Variants in AFF3 observed in about 807,000 individuals in gnomAD.
The protein encoded by AFF3 is ALF transcription elongation factor 3.
A neutral mutation model predicts 129.7 loss-of-function variants in AFF3; 32 were observed. The ratio of observed to expected loss-of-function variants is 0.25; its 90% confidence interval spans 0.19 to 0.33. The LOEUF (loss-of-function observed/expected upper bound fraction) is 0.33, where lower values mean the gene tolerates loss of function less well. Ranked by LOEUF, AFF3 falls within the 10% of genes least tolerant of loss-of-function variation. The pLI, the probability that AFF3 is intolerant of heterozygous loss-of-function variation, is 1.00. For synonymous variants in AFF3, 644 were observed against 635.4 expected (o/e 1.01, Z -0.20); for missense variants, 1,373 against 1,592.0 (o/e 0.86, Z 2.34).
intron 7 of AFF3, among the ~76,000 whole-genome samples, chr2:99,931,069 AG>A (rs761216530): frequency 3.3e-5 from 5 of 152,204 alleles, no homozygotes; most frequent in South Asian, 4.1e-4. Context: ...GACGGTTCAT[AG>A]GTTTAAGACA....
At chr2:99,617,389 G>A (rs1469142144) in intron 13 of AFF3, among the ~76,000 whole-genome samples, 2 of 152,142 alleles carry the variant, frequency 1.3e-5, no homozygotes, top group Non-Finnish European at 2.9e-5. Context: ...TTTTGATTTG[G>A]ATTTCCCCAG....
chr2:99,704,788 C>A (rs1309786263), intron 11 of AFF3, among the ~76,000 whole-genome samples: 1 of 152,204 alleles, frequency 6.6e-6, no homozygotes, highest in Non-Finnish European at 1.5e-5. Context: ...AACACACCCT[C>A]ATTCATGACC....
chr2:100,087,675 A>G (rs1031091061), intron 4 of AFF3, among the ~76,000 whole-genome samples: 3 of 151,854 alleles, frequency 2.0e-5, no homozygotes, highest in African/African-American at 7.3e-5. Flanking sequence ...TCAAGTGTTC[A>G]TGAACTTTCA....
intron 19 of AFF3, among the ~76,000 whole-genome samples, chr2:99,568,609 T>C (rs1438125733): frequency 2.0e-5 from 3 of 152,212 alleles, no homozygotes; most frequent in African/African-American, 7.2e-5. Flanking sequence ...CTAGTTACTA[T>C]TCAAACCTTA....
intron 7 of AFF3, among the ~76,000 whole-genome samples, chr2:99,891,429 A>G (rs1325580438): frequency 6.6e-6 from 1 of 152,154 alleles, no homozygotes; most frequent in African/African-American, 2.4e-5. Context: ...ATGCAGAATA[A>G]AAAGACATGA....
intron 7 of AFF3, among the ~76,000 whole-genome samples, chr2:99,867,230 G>A (rs931169462): frequency 6.6e-6 from 1 of 151,984 alleles, no homozygotes; most frequent in Non-Finnish European, 1.5e-5. Flanking sequence ...GAAAATTAAA[G>A]TTAGCAACAT....
At chr2:100,113,124 T>C (rs979527772) in intron 2 of AFF3, among the ~76,000 whole-genome samples, 2 of 152,196 alleles carry the variant, frequency 1.3e-5, no homozygotes, top group African/African-American at 4.8e-5. Flanking sequence ...TGGGGATACA[T>C]TCCCAAACCA....
intron 10 of AFF3, among the ~76,000 whole-genome samples, chr2:99,728,018 G>T (rs1679502545): frequency 6.6e-6 from 1 of 152,162 alleles, no homozygotes; most frequent in Non-Finnish European, 1.5e-5. Flanking sequence ...CCATCTGAAA[G>T]GCTAGTTAAG....
chr2:99,593,838 G>A lies in AFF3; in HGVS notation c.1823C>T (p.Pro608Leu), dbSNP rs1678997951. The A allele has an allele frequency of 1.9e-6, 3 of 1,602,050 alleles. No individual in the cohort carries two copies. The highest frequency in any genetic ancestry group is 2.6e-6 in the Non-Finnish European group (3 of 1,175,490). ...DGANCHRPEE[P>L]AAADALGTSV... The stretch of plus-strand genomic sequence containing the variant: ...CGTCCCCAGCGCGTCCGCGGCCGCG[G>A]GCTCCTCGGGCCGGTGGCAGTTGGC... The change falls in exon 15 of 25, where the codon CCC (proline) becomes CTC (leucine). Residue 608 changes from proline to leucine, a missense_variant. Coordinates refer to ENST00000672756, the MANE Select transcript of AFF3 (RefSeq NM_001386135.1).
intron 7 of AFF3, among the ~76,000 whole-genome samples, chr2:99,860,988 C>T (rs1021526981): frequency 4.6e-5 from 7 of 152,126 alleles, no homozygotes; most frequent in African/African-American, 1.7e-4. Context: ...GTCCCCAGAA[C>T]GTATCCATCT....
At chr2:100,084,446 T>C (rs953449468) in intron 4 of AFF3, among the ~76,000 whole-genome samples, 2 of 152,220 alleles carry the variant, frequency 1.3e-5, no homozygotes, top group African/African-American at 2.4e-5. Context: ...ACTCAGACTA[T>C]CTGGTTCACA....
At chr2:99,792,761 A>C (rs545327080) in intron 8 of AFF3, among the ~76,000 whole-genome samples, 1 of 152,318 alleles carries the variant, frequency 6.6e-6, no homozygotes, top group South Asian at 2.1e-4. Context: ...TAATACAGAA[A>C]ATTATACTGA....
At chr2:100,128,455 G>A (rs1432344681) in intron 2 of AFF3, among the ~76,000 whole-genome samples, 1 of 152,108 alleles carries the variant, frequency 6.6e-6, no homozygotes, top group Non-Finnish European at 1.5e-5. Context: ...TTTTTTCTGT[G>A]GTTGGTTAAG....
intron 10 of AFF3, among the ~76,000 whole-genome samples, chr2:99,738,871 G>T (rs2105094319): frequency 6.6e-6 from 1 of 152,136 alleles, no homozygotes; most frequent in East Asian, 1.9e-4. Context: ...TAGGTGTATA[G>T]AATTTTTGTT....
At chr2:100,033,205 A>G (rs1684649981) in intron 4 of AFF3, among the ~76,000 whole-genome samples, 1 of 152,200 alleles carries the variant, frequency 6.6e-6, no homozygotes, top group Admixed American at 6.5e-5. Flanking sequence ...CCAATGTTGC[A>G]AAGAGCCTTC....
intron 7 of AFF3, among the ~76,000 whole-genome samples, chr2:99,862,602 G>C (rs1691077806): frequency 6.6e-6 from 1 of 152,254 alleles, no homozygotes; most frequent in African/African-American, 2.4e-5. Flanking sequence ...AATTACTGAG[G>C]AAAGGGAATT....
At chr2:99,947,751 G>A (rs142450704) in intron 7 of AFF3, among the ~76,000 whole-genome samples, 6 of 152,192 alleles carry the variant, frequency 3.9e-5, no homozygotes, top group South Asian at 4.1e-4. Context: ...GAGATCAGAC[G>A]GAGGCATTCA....
At chr2:100,126,101 C>T (rs1692178129) in intron 2 of AFF3, among the ~76,000 whole-genome samples, 1 of 152,190 alleles carries the variant, frequency 6.6e-6, no homozygotes, top group South Asian at 2.1e-4. Context: ...AGAGCGTGGC[C>T]AACTTCTCAC....
intron 7 of AFF3, among the ~76,000 whole-genome samples, chr2:99,973,900 T>C (rs1678629227): frequency 6.6e-6 from 1 of 152,122 alleles, no homozygotes; most frequent in Non-Finnish European, 1.5e-5. Context: ...ATTTCAGTAA[T>C]AAGAGTCCTG....
Sources: gnomAD v4.1 joint callset for allele counts (sites outside exome capture counted in the v4.1 genomes callset) on GRCh38, gnomAD v4.1.1 for gene constraint, MANE v1.5 for transcripts, NCBI Gene and HGNC (gene_info 2026-07-23, HGNC 2026-07-21) for gene names.